EIF5A: variants seen among roughly 807,000 people sequenced by gnomAD.
EIF5A encodes eukaryotic translation initiation factor 5A-1.
Under a neutral mutation model 16.6 loss-of-function variants are expected in EIF5A, and 1 was observed. That is an observed-to-expected ratio of 0.06 (90% CI 0.02 to 0.28). The LOEUF (loss-of-function observed/expected upper bound fraction) is 0.28, where lower values mean the gene tolerates loss of function less well. Ranked by LOEUF, EIF5A falls within the 10% of genes least tolerant of loss-of-function variation. The pLI is 1.00. For synonymous variants in EIF5A, 80 were observed against 73.6 expected, an observed-to-expected ratio of 1.09 and a Z score of -0.44; for missense variants, 29 against 196.1, an observed-to-expected ratio of 0.15 and a Z score of 5.09.
upstream of EIF5A, chr17:7,307,351 G>C: frequency 8.1e-7 from 1 of 1,236,968 alleles, no homozygotes; most frequent in Non-Finnish European, 1.0e-6. Flanking sequence ...GGACTGCCCG[G>C]TAGGACGAGC....
chr17:7,308,642 C>A, intron 1 of EIF5A: 1 of 1,313,180 alleles, frequency 7.6e-7, no homozygotes, highest in Non-Finnish European at 1.0e-6. Context: ...GACAGGAGCC[C>A]AACTTTTCTG....
chr17:7,307,639 C>A lies in EIF5A; in HGVS notation c.-135C>A. ...GAGTCGGCGCCTGCGTACTAAGACC[C>A]GTGTGCAGCAGCGGCGGCGGCGGTA... On this transcript the variant is annotated 5_prime_UTR_variant, in exon 1 of 6. Coordinates refer to ENST00000336458, the MANE Select transcript of EIF5A (RefSeq NM_001970.5). 1 of 1,045,010 alleles carries A rather than the reference C, an allele frequency of 9.6e-7. No homozygotes were observed. Among genetic ancestry groups the A allele is most frequent in the Non-Finnish European group, 1.2e-6 (1 of 868,864 alleles). 64.7% of individuals were successfully genotyped at this position (1,045,010 alleles called of 1,614,324 possible). A position where few individuals can be genotyped will look rare whatever the true frequency, so the allele number is the denominator to read the frequency against.
At chr17:7,309,959 AC>A in intron 2 of EIF5A, 159 bp downstream of exon 2, 2 of 1,545,706 alleles carry the variant, frequency 1.3e-6, no homozygotes, top group Non-Finnish European at 8.7e-7. Context: ...TCAGACAACT[AC>A]ACCTGCTCCC....
rs760595093 is a variant in EIF5A, at chr17:7,311,656, G to C, written c.*11+5G>C. On this transcript the variant is annotated splice_donor_5th_base_variant and intron_variant, in intron 5 of 5. Transcript: ENST00000336458. ...GGCAAAATAACTGGCTCCCAGGTGAGTGTGACAAATCCCTCACTGTCCCCT... is the reference window on the plus strand; with the variant it reads ...GGCAAAATAACTGGCTCCCAGGTGACTGTGACAAATCCCTCACTGTCCCCT... 1.4e-5 allele frequency: 23 copies of C among 1,613,958 alleles called. No homozygotes were observed. The highest frequency in any genetic ancestry group is 1.5e-5 in the Non-Finnish European group (18 of 1,180,030).
At chr17:7,308,275 G>T in intron 1 of EIF5A, 1 of 1,062,448 alleles carries the variant, frequency 9.4e-7, no homozygotes, top group Non-Finnish European at 1.2e-6. Context: ...GGGGTCGCAG[G>T]CCGCATGGCC....
chr17:7,309,469 A>T, intron 1 of EIF5A, 146 bp from the exon 2 acceptor site: 1 of 1,041,014 alleles, frequency 9.6e-7, no homozygotes, highest in Non-Finnish European at 1.4e-6. Context: ...GAGCCCAGTC[A>T]GTATTTTAAG....
intron 2 of EIF5A, chr17:7,310,278 G>T: frequency 7.8e-7 from 1 of 1,288,240 alleles, no homozygotes; most frequent in Non-Finnish European, 1.0e-6. Context: ...CTTTCCCTTT[G>T]GAACTCTGAC....
intron 1 of EIF5A, chr17:7,308,548 T>C: frequency 7.4e-7 from 1 of 1,351,640 alleles, no homozygotes; most frequent in Non-Finnish European, 9.8e-7. Flanking sequence ...TGAAAAACCC[T>C]CCTGTGAAGT....
chr17:7,310,977 TA>T, intron 2 of EIF5A, 40 bp from the exon 3 acceptor site: 2 of 1,586,992 alleles, frequency 1.3e-6, no homozygotes, highest in Non-Finnish European at 1.7e-6. Flanking sequence ...TCCTCCGTTT[TA>T]GAGTTTGGTT....
Position 7,307,691 on chromosome 17 carries a change from C to A in EIF5A, c.-83C>A. 1 of 1,047,862 alleles carries A rather than the reference C, an allele frequency of 9.5e-7. No homozygotes were observed. Among genetic ancestry groups the A allele is most frequent in the Non-Finnish European group, 1.1e-6 (1 of 870,322 alleles). The allele number at this position is 1,047,862 out of a possible 1,614,324, so 64.9% of individuals were successfully genotyped here. The stretch of plus-strand genomic sequence containing the variant: ...AGGCGGCGGCGGCGGCGGCAGCGGG[C>A]TCGGAGGCAGCGGTTGGGCTCGCGG... On this transcript the variant is annotated 5_prime_UTR_variant, in exon 1 of 6. Coordinates refer to ENST00000336458, the MANE Select transcript of EIF5A (RefSeq NM_001970.5).
upstream of EIF5A, chr17:7,307,016 G>T (rs374120327): frequency 1.9e-6 from 3 of 1,565,634 alleles, no homozygotes; most frequent in East Asian, 2.3e-5. Flanking sequence ...TAGCGCGCTA[G>T]AAGAGTGGGG....
chr17:7,307,308 T>G (rs2072652475), upstream of EIF5A: 5 of 1,195,204 alleles, frequency 4.2e-6, no homozygotes, highest in Non-Finnish European at 5.6e-6. Context: ...TTAGAGGGTG[T>G]GGAGTGCAGG....
At chr17:7,309,087 G>A (rs1194430778) in intron 1 of EIF5A, among the ~76,000 whole-genome samples, 1 of 152,014 alleles carries the variant, frequency 6.6e-6, no homozygotes. Flanking sequence ...CCCCCAAAGA[G>A]GCCTTGTGGT....
intron 2 of EIF5A, 42 bp downstream of exon 2, chr17:7,309,842 A>G: frequency 1.2e-6 from 2 of 1,614,118 alleles, no homozygotes; most frequent in South Asian, 2.2e-5. Context: ...CCATGCCTCC[A>G]GTATCTTTGG....
rs950108255 is a variant in EIF5A at position 7,310,594 on chromosome 17, C to T, written c.166-424C>T. ...AGTTATTTCTGATCTCCCTGCAAGT[C>T]CTTTTCTTCAGCTCTTTCACATTTC... is the stretch of plus-strand genomic sequence containing the variant. On this transcript the variant is annotated intron_variant, in intron 2 of 5. Transcript: ENST00000336458. 4.7e-6 allele frequency: 5 copies of T among 1,064,538 alleles called. No homozygotes were observed. The African/African-American group carries it at 8.6e-5, about 18-fold the overall frequency. The allele number at this position is 1,064,538 out of a possible 1,614,324, so 65.9% of individuals were successfully genotyped here.
chr17:7,310,869 T>TA (rs1417407643), intron 2 of EIF5A, 149 bp from the exon 3 acceptor site: 1 of 1,426,410 alleles, frequency 7.0e-7, no homozygotes, highest in Admixed American at 2.9e-5. Flanking sequence ...GCTTTACTGT[T>TA]TCTTGAGTTG....
intron 2 of EIF5A, chr17:7,310,537 G>T: frequency 9.1e-7 from 1 of 1,100,064 alleles, no homozygotes; most frequent in Non-Finnish European, 1.1e-6. Context: ...CCCTCTCTGT[G>T]CTCTTCTGGC....
upstream of EIF5A, chr17:7,307,021 G>C: frequency 1.3e-6 from 2 of 1,572,984 alleles, no homozygotes; most frequent in Middle Eastern, 1.7e-4. Flanking sequence ...CGCTAGAAGA[G>C]TGGGGCGGAA....
chr17:7,310,268 C>T, intron 2 of EIF5A: 1 of 1,288,912 alleles, frequency 7.8e-7, no homozygotes, highest in Non-Finnish European at 1.0e-6. Context: ...CCAGTTCTAG[C>T]TTTCCCTTTG....
Sources: gnomAD v4.1 joint callset for allele counts (sites outside exome capture counted in the v4.1 genomes callset) on GRCh38, gnomAD v4.1.1 for gene constraint, MANE v1.5 for transcripts, NCBI Gene and HGNC (gene_info 2026-07-23, HGNC 2026-07-21) for gene names.